The following CYP24A1 variants were observed in gnomAD, a reference collection of about 807,000 sequenced individuals.
CYP24A1 encodes the protein 1,25-dihydroxyvitamin D(3) 24-hydroxylase, mitochondrial.
In CYP24A1, 68 loss-of-function variants were observed where a neutral mutation model predicts 62.4. That is an observed-to-expected ratio of 1.09 (90% CI 0.90 to 1.33). CYP24A1 has a LOEUF of 1.33. Ranked by LOEUF, CYP24A1 falls within the 40% of genes most tolerant of loss-of-function variation. CYP24A1 has a pLI of 0.00. For synonymous variants in CYP24A1, 267 were observed against 253.0 expected (o/e 1.06, Z -0.52); for missense variants, 787 against 653.0 (o/e 1.21, Z -2.24).
At chr20:54,157,945 C>A in intron 9 of CYP24A1, 141 bp downstream of exon 9, 2 of 1,412,808 alleles carry the variant, frequency 1.4e-6, no homozygotes, top group Non-Finnish European at 9.6e-7. Context: ...CTATACTATG[C>A]AACATGTCAA....
At chr20:54,162,946 C>G in intron 6 of CYP24A1, 84 bp from the exon 7 acceptor site, 1 of 805,274 alleles carries the variant, frequency 1.2e-6, no homozygotes. Flanking sequence ...GTCCAAACTC[C>G]TTCTTGCAAT....
At chr20:54,169,728 G>A (rs376480687) in intron 3 of CYP24A1, 40 bp from the exon 4 acceptor site, 20 of 1,612,484 alleles carry the variant, frequency 1.2e-5, no homozygotes, top group South Asian at 4.4e-5. Context: ...TTTTAAAGCC[G>A]TTGAAGGAAA....
the CYP24A1 span, among the ~76,000 whole-genome samples, chr20:54,145,931 A>G: frequency 6.6e-6 from 1 of 152,246 alleles, no homozygotes. Context: ...TTGATTTACA[A>G]GTAAATTTTG....
rs749055865 is a variant in CYP24A1, at chr20:54,158,153, C to T, written c.1169G>A (p.Ser390Asn). 6.2e-7 allele frequency: 1 copy of T among 1,614,012 alleles called. No homozygotes were observed. Among genetic ancestry groups the T allele is most frequent in the East Asian group, 2.2e-5 (1 of 44,882 alleles). ...AAGAGTCCGAGTTGTAAATGGTACA[C>T]TCGGCGTAAGCCTGAAAAGATAAAA... The part of the protein sequence containing the change: ...CLKESMRLTP[S>N]VPFTTRTLDK... The change falls in exon 9 of 12, where the codon AGT (serine) becomes AAT (asparagine). Residue 390 changes from serine to asparagine, a missense_variant. Transcript: ENST00000216862.
At position 54,162,743 on chromosome 20, in the gene CYP24A1, CTG is replaced by C; in HGVS notation, c.962_963del (p.Thr321ArgfsTer24). On this transcript the variant is annotated frameshift_variant, in exon 7 of 12. Coordinates refer to ENST00000216862, the MANE Select transcript of CYP24A1 (RefSeq NM_000782.5). LOFTEE classifies it high-confidence loss of function. ...LSKKELYAAV[T>X]ELQLAAVETT... Reference sequence around the variant, plus strand: ...GTTTCCACCGCAGCCAGCTGGAGCTCTGTGACAGCAGCATACAATTCTTTCTT... The same window carrying C: ...GTTTCCACCGCAGCCAGCTGGAGCTCTGACAGCAGCATACAATTCTTTCTT... 1 of 1,602,320 alleles carries C rather than the reference CTG, an allele frequency of 6.2e-7. No homozygotes were observed. The highest frequency in any genetic ancestry group is 8.6e-7 in the Non-Finnish European group (1 of 1,169,500).
At chr20:54,161,797 GA>G (rs1296639859) in intron 7 of CYP24A1, among the ~76,000 whole-genome samples, 2 of 152,192 alleles carry the variant, frequency 1.3e-5, no homozygotes, top group Admixed American at 1.3e-4. Flanking sequence ...TGTGGAGCAG[GA>G]GGAGAAATGA....
chr20:54,164,883 T>G (rs1224301891), intron 5 of CYP24A1, among the ~76,000 whole-genome samples: 2 of 151,898 alleles, frequency 1.3e-5, no homozygotes, highest in African/African-American at 4.8e-5. Context: ...CTTCAATTTC[T>G]AATAATTTCC....
chr20:54,169,759 G>T, intron 3 of CYP24A1, 71 bp from the exon 4 acceptor site: 1 of 1,604,426 alleles, frequency 6.2e-7, no homozygotes, highest in South Asian at 1.1e-5. Context: ...AAAGCTCACT[G>T]AGCTAACTTC....
rs746144236 is a variant in CYP24A1, at chr20:54,172,879, G to A, written c.449+30C>T. Reference sequence around the variant, plus strand: ...GCCGTCAGGCTCATCAGGTCTGGCCGCATGCCCAGGTCCCTCGGATTGGAC... The same window carrying A: ...GCCGTCAGGCTCATCAGGTCTGGCCACATGCCCAGGTCCCTCGGATTGGAC... On this transcript the variant is annotated intron_variant, in intron 2 of 11. Coordinates refer to ENST00000216862, the MANE Select transcript of CYP24A1 (RefSeq NM_000782.5). 2.5e-6 allele frequency: 4 copies of A among 1,612,910 alleles called. No individual in the cohort carries two copies. The South Asian group carries it at 4.4e-5, about 18-fold the overall frequency.
chr20:54,165,897 G>C (rs2092670243), intron 4 of CYP24A1, 64 bp from the exon 5 acceptor site: 8 of 897,666 alleles, frequency 8.9e-6, no homozygotes, highest in Non-Finnish European at 1.5e-5. Context: ...TCTATGTTTA[G>C]CTGGTTATTA....
rs2092686747 is a variant in CYP24A1, at chr20:54,169,600, G to A, written c.632C>T (p.Ser211Leu). ...CTGTGACGACAACTTACTTTCAAAC[G>A]ACCATTTGTTCAGTTCGCTGTACAA... is the stretch of plus-strand genomic sequence containing the variant. ...EDLYSELNKW[S>L]FESICLVLYE... Residue 211 changes from serine to leucine, a missense_variant, in exon 4 of 12, where the codon TCG (serine) becomes TTG (leucine). By Grantham distance (145) the Ser-to-Leu change is moderately radical (BLOSUM62 -2). Coordinates refer to ENST00000216862, the MANE Select transcript of CYP24A1 (RefSeq NM_000782.5). 1.9e-6 allele frequency: 3 copies of A among 1,613,938 alleles called. No homozygotes were observed. In the South Asian group the frequency reaches 3.3e-5, roughly 18 times the overall value.
chr20:54,150,417 TC>T (rs1178284048), downstream of CYP24A1, among the ~76,000 whole-genome samples: 29 of 132,590 alleles, frequency 2.2e-4, no homozygotes, highest in African/African-American at 8.5e-4. Flanking sequence ...CTCTGTAACC[TC>T]CGCCCCCCAG....
chr20:54,146,856 A>G, the CYP24A1 span, among the ~76,000 whole-genome samples: 1 of 152,214 alleles, frequency 6.6e-6, no homozygotes, highest in Non-Finnish European at 1.5e-5. Flanking sequence ...CAAATATTTT[A>G]TTGCTGATAA....
At chr20:54,159,198 G>A in intron 7 of CYP24A1, 75 bp from the exon 8 acceptor site, 2 of 1,142,358 alleles carry the variant, frequency 1.8e-6, no homozygotes, top group East Asian at 2.4e-5. Flanking sequence ...AAAAAAAGGT[G>A]ATGCCCACCA....
chr20:54,162,174 C>T lies in CYP24A1; in HGVS notation c.990+543G>A, dbSNP rs370574934. ...CCCAGACTCTTTGGGACTTTGTTTA[C>T]AATTCTAAGCAGATAAAAATATTAT... On this transcript the variant is annotated intron_variant, in intron 7 of 11. Coordinates refer to ENST00000216862, the MANE Select transcript of CYP24A1 (RefSeq NM_000782.5). Among the ~76,000 whole-genome samples the T allele has an allele frequency of 1.1e-4, 14 of 127,688 alleles. 1 individual carries two copies. The highest frequency in any genetic ancestry group is 4.1e-4 in the African/African-American group (14 of 33,866). The allele number at this position is 127,688 out of a possible 152,430, so 83.8% of individuals were successfully genotyped here.
chr20:54,172,108 A>G (rs538102677), intron 2 of CYP24A1, among the ~76,000 whole-genome samples: 1 of 152,174 alleles, frequency 6.6e-6, no homozygotes, highest in Non-Finnish European at 1.5e-5. Flanking sequence ...AAAATATCTC[A>G]GATTTAGAAT....
chr20:54,148,365 C>A, the CYP24A1 span, among the ~76,000 whole-genome samples: 1 of 128,886 alleles, frequency 7.8e-6, no homozygotes, highest in Non-Finnish European at 1.6e-5. Context: ...TACACAGACA[C>A]ACAGACACAC....
At chr20:54,156,003 T>C (rs886675448) in intron 11 of CYP24A1, among the ~76,000 whole-genome samples, 1 of 152,190 alleles carries the variant, frequency 6.6e-6, no homozygotes, top group Non-Finnish European at 1.5e-5. Context: ...ACATGAGAAC[T>C]CCTCTATTGT....
chr20:54,169,622 A>T lies in CYP24A1; in HGVS notation c.610T>A (p.Tyr204Asn), dbSNP rs376607735. The change falls in exon 4 of 12, where the codon TAC becomes AAC. Residue 204 changes from tyrosine to asparagine, a missense_variant. Coordinates refer to ENST00000216862, the MANE Select transcript of CYP24A1 (RefSeq NM_000782.5). ...AACGACCATTTGTTCAGTTCGCTGT[A>T]CAAGTCTTCAACGTGGCCTCTTTCA... ...CDERGHVEDL[Y>N]SELNKWSFES... is the part of the protein sequence containing the mutation. 3.1e-6 allele frequency: 5 copies of T among 1,614,220 alleles called. No individual in the cohort carries two copies. The South Asian group carries it at 5.5e-5, about 18-fold the overall frequency.
Sources: allele counts gnomAD v4.1 joint callset (sites outside exome capture counted in the v4.1 genomes callset), GRCh38; gene constraint gnomAD v4.1.1; transcripts MANE v1.5; gene names NCBI Gene and HGNC (gene_info 2026-07-23, HGNC 2026-07-21).